Variants in RAB37 observed in about 807,000 individuals in gnomAD.
RAB37 encodes the protein ras-related protein Rab-37.
Under a neutral mutation model 33.1 loss-of-function variants are expected in RAB37, and 29 were observed. That is an observed-to-expected ratio of 0.88 (90% CI 0.65 to 1.20). The LOEUF (loss-of-function observed/expected upper bound fraction) is 1.20, where lower values mean the gene tolerates loss of function less well. Among genes scored for constraint, RAB37 ranks in the 50% most tolerant of loss-of-function variants. RAB37 has a pLI of 0.00. For missense variants in RAB37, 299 were observed against 301.1 expected (o/e 0.99, Z 0.05); for synonymous variants, 128 against 119.5 (o/e 1.07, Z -0.47).
intron 1 of RAB37, chr17:74,695,049 G>C (rs559600785): frequency 8.8e-6 from 14 of 1,588,020 alleles, no homozygotes; most frequent in Non-Finnish European, 1.2e-5. Context: ...CGATGAGGCA[G>C]GAGTGTGCTC....
chr17:74,724,067 A>G (rs2034275596), intron 1 of RAB37, among the ~76,000 whole-genome samples: 1 of 152,190 alleles, frequency 6.6e-6, no homozygotes, highest in Admixed American at 6.5e-5. Context: ...AAAATCTGAG[A>G]CAAGTCTCAG....
chr17:74,724,094 A>G (rs940925161), intron 1 of RAB37, among the ~76,000 whole-genome samples: 1 of 152,192 alleles, frequency 6.6e-6, no homozygotes, highest in Non-Finnish European at 1.5e-5. Flanking sequence ...TAGAAAGTTT[A>G]TTTTGCCAAG....
intron 1 of RAB37, among the ~76,000 whole-genome samples, chr17:74,700,085 T>G (rs1342128127): frequency 6.6e-6 from 1 of 151,912 alleles, no homozygotes; most frequent in Non-Finnish European, 1.5e-5. Flanking sequence ...GAGGTTGCAG[T>G]GAGCTGAGAT....
intron 1 of RAB37, among the ~76,000 whole-genome samples, chr17:74,677,141 C>T (rs894863432): frequency 2.5e-4 from 38 of 151,938 alleles, no homozygotes; most frequent in African/African-American, 8.5e-4. Flanking sequence ...CAGAGTGAGA[C>T]TCTGTCCCCC....
upstream of RAB37, among the ~76,000 whole-genome samples, chr17:74,734,903 GAGGA>G (rs558514478): frequency 3.4e-3 from 492 of 146,612 alleles, 5 homozygotes; most frequent in African/African-American, 4.1e-3. Flanking sequence ...GAAAGAGAGA[GAGGA>G]AGGAAGGAAG....
rs973710142 is a variant in RAB37, at chr17:74,671,481, A to C, written c.-106A>C. On this transcript the variant is annotated 5_prime_UTR_variant, in exon 1 of 8. Transcript: ENST00000340415. The surrounding 1 kb of genome is among the most constrained non-coding windows in gnomAD (Gnocchi z 5.0). ...TGAAAACGGATGCGGCCCGGCCCGC[A>C]GAGCTCAGACCCAAGCCTGCCGCAC... is the stretch of plus-strand genomic sequence containing the variant. The C allele has an allele frequency of 2.2e-5, 23 of 1,058,956 alleles. No individual in the cohort carries two copies. The African/African-American group carries it at 2.8e-4, about 13-fold the overall frequency. 65.6% of individuals were successfully genotyped at this position (1,058,956 alleles called of 1,614,324 possible). A position where few individuals can be genotyped will look rare whatever the true frequency, so the allele number is the denominator to read the frequency against.
chr17:74,671,630 C>G lies in RAB37; in HGVS notation c.44C>G (p.Pro15Arg). Residue 15 changes from proline (P) to arginine (R), a missense_variant, in exon 1 of 8, where the codon CCT (proline) becomes CGT (arginine). Pro to Arg is a moderately radical substitution (Grantham distance 103). Coordinates refer to the RAB37 transcript ENST00000340415. The surrounding 1 kb of genome is among the most constrained non-coding windows in gnomAD (Gnocchi z 5.0). ...GATTCCTACCAGGGAGGAGCTGGCC[C>G]TGACTTCAACGACCACGTCCTGCAT... 6.2e-7 allele frequency: 1 copy of G among 1,614,224 alleles called. No individual in the cohort carries two copies. The highest frequency in any genetic ancestry group is 8.5e-7 in the Non-Finnish European group (1 of 1,180,038).
upstream of RAB37, among the ~76,000 whole-genome samples, chr17:74,733,857 G>C (rs2034428304): frequency 6.6e-6 from 1 of 152,040 alleles, no homozygotes; most frequent in South Asian, 2.1e-4. Flanking sequence ...CCTGGGGACA[G>C]TGTACGCACC....
At chr17:74,701,190 A>T (rs1051378560) in intron 1 of RAB37, among the ~76,000 whole-genome samples, 9 of 152,236 alleles carry the variant, frequency 5.9e-5, no homozygotes, top group Non-Finnish European at 1.0e-4. Flanking sequence ...CTCCTTCATC[A>T]CTGGATGTGC....
chr17:74,715,575 G>A (rs565507932), intron 1 of RAB37, among the ~76,000 whole-genome samples: 4 of 152,310 alleles, frequency 2.6e-5, no homozygotes, highest in African/African-American at 2.4e-5. Context: ...AAAACAAGGG[G>A]CAGATGCATC....
chr17:74,740,692 C>CTCT (rs2034590443), intron 1 of RAB37, 76 bp from the exon 2 acceptor site: 16 of 1,028,676 alleles, frequency 1.6e-5, no homozygotes, highest in South Asian at 3.8e-5. Flanking sequence ...CTCTGATCCT[C>CTCT]TCCATGTGTC....
intron 1 of RAB37, among the ~76,000 whole-genome samples, chr17:74,722,597 G>C (rs914722668): frequency 1.6e-4 from 25 of 152,126 alleles, no homozygotes; most frequent in Non-Finnish European, 5.9e-5. Flanking sequence ...TGAATAAGTA[G>C]GACTATAGTC....
intron 1 of RAB37, among the ~76,000 whole-genome samples, chr17:74,710,819 A>G (rs758018523): frequency 2.0e-5 from 3 of 151,890 alleles, no homozygotes; most frequent in Admixed American, 6.6e-5. Context: ...GTGAGCCAAG[A>G]TCGCGCCACT....
intron 1 of RAB37, chr17:74,695,739 C>A (rs2032393102): frequency 7.4e-6 from 12 of 1,614,152 alleles, no homozygotes; most frequent in Non-Finnish European, 1.0e-5. Context: ...GTGACATATT[C>A]CACTTCCACC....
At position 74,738,444 on chromosome 17, in the gene RAB37, G is replaced by A. The variant is rs1040756568; in HGVS notation, c.93+1079G>A. Among the ~76,000 whole-genome samples, 1 of 152,196 alleles carries A rather than the reference G, an allele frequency of 6.6e-6. No homozygotes were observed. The highest frequency in any genetic ancestry group is 1.5e-5 in the Non-Finnish European group (1 of 68,030). ...AGGAGCTGCTGTTGGCCAGGCCCCA[G>A]GCTGAGGGGGACTGCCTGACCTTGT... On this transcript the variant is annotated intron_variant, in intron 1 of 8. Transcript: ENST00000392613. The surrounding 1 kb of genome is among the most constrained non-coding windows in gnomAD (Gnocchi z 5.0).
rs187979560 is a variant in RAB37 at position 74,726,140 on chromosome 17, C to T, written c.73-3116C>T. 6.1e-3 allele frequency among the ~76,000 whole-genome samples: 916 copies of T among 149,904 alleles called. 10 individuals are homozygous for T. The highest frequency in any genetic ancestry group is 0.021 in the African/African-American group (870 of 40,572). On this transcript the variant is annotated intron_variant, in intron 1 of 7. Coordinates refer to the RAB37 transcript ENST00000340415. ...GTCCCAGCTACTTGGGAGGCTGAGG[C>T]AGAAGAATAGCTTGAACTCGGGAGG...
intron 1 of RAB37, among the ~76,000 whole-genome samples, chr17:74,682,255 G>A (rs975754934): frequency 6.6e-6 from 1 of 152,152 alleles, no homozygotes; most frequent in Non-Finnish European, 1.5e-5. Context: ...TACCAGAGAA[G>A]CCTAGGGAGT....
intron 1 of RAB37, among the ~76,000 whole-genome samples, chr17:74,709,944 A>AAT (rs1202791771): frequency 1.3e-5 from 2 of 152,018 alleles, no homozygotes; most frequent in African/African-American, 4.8e-5. Flanking sequence ...ATGAATTCCC[A>AAT]ATATATATAA....
At chr17:74,709,988 T>C (rs1224654841) in intron 1 of RAB37, among the ~76,000 whole-genome samples, 3 of 152,228 alleles carry the variant, frequency 2.0e-5, no homozygotes, top group African/African-American at 4.8e-5. Flanking sequence ...TTTGTTTGTT[T>C]GTTTTTTTGA....
Sources: allele counts gnomAD v4.1 joint callset (sites outside exome capture counted in the v4.1 genomes callset), GRCh38; gene constraint gnomAD v4.1.1; non-coding constraint Gnocchi (gnomAD v3.1); transcripts MANE v1.5; gene names NCBI Gene and HGNC (gene_info 2026-07-23, HGNC 2026-07-21).